The following SCARB1 variants were observed in gnomAD, a reference collection of about 807,000 sequenced individuals.
SCARB1 encodes scavenger receptor class B member 1, also known as CD36 and LIMPII analogous 1.
SCARB1 carries 30 observed loss-of-function variants against 57.2 expected under a neutral mutation model. That is an observed-to-expected ratio of 0.52 (90% CI 0.39 to 0.71). The LOEUF is 0.71. Among genes scored for constraint, SCARB1 ranks in the 30% least tolerant of loss-of-function variants. The probability of loss-of-function intolerance (pLI) is 0.00; values close to 1 mark genes in which losing one functional copy is unlikely to be tolerated. For synonymous variants in SCARB1, 249 were observed against 268.3 expected (o/e 0.93, Z 0.70); for missense variants, 543 against 671.2 (o/e 0.81, Z 2.11).
chr12:124,792,721 CAAAA>C (rs930596389), intron 9 of SCARB1, among the ~76,000 whole-genome samples: 95 of 31,726 alleles, frequency 3.0e-3, no homozygotes, highest in African/African-American at 7.8e-3. Context: ...GACTTCGTCT[CAAAA>C]AAAAAAAAAA....
intron 1 of SCARB1, among the ~76,000 whole-genome samples, chr12:124,828,493 C>A (rs1426285554): frequency 6.6e-6 from 1 of 152,194 alleles, no homozygotes; most frequent in South Asian, 2.1e-4. Flanking sequence ...GACGCCCCTG[C>A]CCTCAGACAC....
intron 7 of SCARB1, among the ~76,000 whole-genome samples, chr12:124,804,588 C>G (rs527601666): frequency 6.6e-6 from 1 of 152,312 alleles, no homozygotes; most frequent in African/African-American, 2.4e-5. Context: ...CCCGCCGATA[C>G]CAGCAAAGAA....
chr12:124,817,088 ATG>A lies in SCARB1; in HGVS notation c.284+460_284+461del, dbSNP rs200918605. On this transcript the variant is annotated intron_variant, in intron 2 of 12. Coordinates refer to ENST00000261693, the MANE Select transcript of SCARB1 (RefSeq NM_005505.5). The surrounding 1 kb of genome is among the most constrained non-coding windows in gnomAD (Gnocchi z 4.8). ...TGTGTAGGTACATGTGTGTGTATGTATGTGTGTGTGTATGTGTATGTACGTGT... is the reference window on the plus strand; with the variant it reads ...TGTGTAGGTACATGTGTGTGTATGTATGTGTGTGTATGTGTATGTACGTGT... Among the ~76,000 whole-genome samples the A allele has an allele frequency of 3.4e-3, 489 of 145,496 alleles. 3 individuals are homozygous for A. Among genetic ancestry groups the A allele is most frequent in the African/African-American group, 8.9e-3 (332 of 37,342 alleles).
In SCARB1 at chr12:124,800,401, C is replaced by G. The variant is rs574100256; in HGVS notation, c.1010-159G>C. On this transcript the variant is annotated intron_variant, in intron 7 of 12. Transcript: ENST00000261693. This position sits in a 1 kb window ranked among gnomAD's most constrained non-coding sequence, Gnocchi z 4.8. ...TCCCTTCCTCCATTCTGTAAAAAGC[C>G]CCAGGCCCTGTGATGAGGGACAAGC... 6.6e-6 allele frequency among the ~76,000 whole-genome samples: 1 copy of G among 152,290 alleles called. No individual in the cohort carries two copies. The highest frequency in any genetic ancestry group is 2.1e-4 in the South Asian group (1 of 4,824).
rs1295671244 is a variant in SCARB1, at chr12:124,826,729, G to C, written c.127-9022C>G. Reference sequence around the variant, plus strand: ...CTCGCTTCAGCCTCCCAAAGTGCTGGGATTATAGGTGTCAGCCACTGCACC... The same window carrying C: ...CTCGCTTCAGCCTCCCAAAGTGCTGCGATTATAGGTGTCAGCCACTGCACC... On this transcript the variant is annotated intron_variant, in intron 1 of 12. Transcript: ENST00000261693. 2.0e-5 allele frequency among the ~76,000 whole-genome samples: 3 copies of C among 152,016 alleles called. No homozygotes were observed. In the East Asian group the frequency reaches 5.8e-4, roughly 29 times the overall value.
At chr12:124,847,049 G>A (rs1487009405) in intron 1 of SCARB1, among the ~76,000 whole-genome samples, 1 of 152,220 alleles carries the variant, frequency 6.6e-6, no homozygotes, top group Non-Finnish European at 1.5e-5. Flanking sequence ...TTCTGCAGGG[G>A]CTTCGGGGCA....
chr12:124,820,766 T>A (rs1950924010), intron 1 of SCARB1, among the ~76,000 whole-genome samples: 1 of 152,040 alleles, frequency 6.6e-6, no homozygotes, highest in Non-Finnish European at 1.5e-5. Flanking sequence ...GCACGAACTA[T>A]ATGTTCTCAC....
At chr12:124,846,459 CAG>C (rs1162837992) in intron 1 of SCARB1, among the ~76,000 whole-genome samples, 1 of 152,086 alleles carries the variant, frequency 6.6e-6, no homozygotes, top group East Asian at 1.9e-4. Context: ...AGGGTTAAAA[CAG>C]ATGAACTGGC....
chr12:124,816,332 T>G (rs1296499996), intron 2 of SCARB1, among the ~76,000 whole-genome samples: 2 of 152,214 alleles, frequency 1.3e-5, no homozygotes, highest in African/African-American at 4.8e-5. Flanking sequence ...AGGTGCTCAG[T>G]CAGTGCTCAC....
chr12:124,814,960 A>G lies in SCARB1; in HGVS notation c.426+13T>C, dbSNP rs1950648111. 1.2e-6 allele frequency: 2 copies of G among 1,613,992 alleles called. No homozygotes were observed. The highest frequency in any genetic ancestry group is 2.7e-5 in the African/African-American group (2 of 74,936). On this transcript the variant is annotated intron_variant, in intron 3 of 12. Transcript: ENST00000261693. The surrounding 1 kb of genome is among the most constrained non-coding windows in gnomAD (Gnocchi z 4.7). ...CAGGGTGCGAGGCGGCGTGGGCCAC[A>G]GGGCAGCCTCACCAAGACCAGGATG... is the stretch of plus-strand genomic sequence containing the variant.
intron 1 of SCARB1, among the ~76,000 whole-genome samples, chr12:124,846,366 C>T (rs973425385): frequency 1.3e-5 from 2 of 152,110 alleles, no homozygotes; most frequent in African/African-American, 2.4e-5. Flanking sequence ...ACTGTCGGGC[C>T]CTAGAGGGAT....
intron 1 of SCARB1, among the ~76,000 whole-genome samples, chr12:124,846,463 T>A (rs1425724174): frequency 1.3e-5 from 2 of 151,780 alleles, no homozygotes; most frequent in Non-Finnish European, 2.9e-5. Context: ...TTAAAACAGA[T>A]GAACTGGCCG....
intron 1 of SCARB1, among the ~76,000 whole-genome samples, chr12:124,842,299 C>G (rs12425134): frequency 2.0e-5 from 3 of 152,186 alleles, no homozygotes; most frequent in Non-Finnish European, 2.9e-5. Flanking sequence ...AATGGCCTCA[C>G]GCACTGGAGT....
At chr12:124,831,622 C>G (rs977534767) in intron 1 of SCARB1, among the ~76,000 whole-genome samples, 2 of 151,946 alleles carry the variant, frequency 1.3e-5, no homozygotes, top group African/African-American at 4.8e-5. Context: ...GGTCTGGGGT[C>G]CCCTCTTTAC....
At chr12:124,840,461 C>A (rs1951864925) in intron 1 of SCARB1, among the ~76,000 whole-genome samples, 1 of 152,314 alleles carries the variant, frequency 6.6e-6, no homozygotes, top group East Asian at 1.9e-4. Flanking sequence ...CAGGCGTGAG[C>A]CACCGCGCCT....
At chr12:124,809,187 G>A (rs940638306) in intron 6 of SCARB1, among the ~76,000 whole-genome samples, 13 of 152,132 alleles carry the variant, frequency 8.5e-5, no homozygotes, top group Non-Finnish European at 1.9e-4. Context: ...GACACTCGGC[G>A]AGAAGAGGGG....
At chr12:124,832,497 G>C (rs934661853) in intron 1 of SCARB1, among the ~76,000 whole-genome samples, 2 of 149,954 alleles carry the variant, frequency 1.3e-5, no homozygotes, top group African/African-American at 5.0e-5. Context: ...TCCAGCCTGG[G>C]CGACAGAGTG....
At chr12:124,781,891 T>C (rs1037793881) in intron 12 of SCARB1, among the ~76,000 whole-genome samples, 28 of 151,862 alleles carry the variant, frequency 1.8e-4, no homozygotes, top group African/African-American at 5.8e-4. Context: ...CCAGATGTAT[T>C]TATTTATTTA....
intron 1 of SCARB1, among the ~76,000 whole-genome samples, chr12:124,859,075 G>C (rs1350702522): frequency 6.6e-6 from 1 of 151,960 alleles, no homozygotes; most frequent in Non-Finnish European, 1.5e-5. Flanking sequence ...TAGAGATGGG[G>C]GTCTCACTAT....
Sources: gnomAD v4.1 joint callset for allele counts (sites outside exome capture counted in the v4.1 genomes callset) on GRCh38, gnomAD v4.1.1 for gene constraint, Gnocchi (gnomAD v3.1) non-coding constraint, MANE v1.5 for transcripts, NCBI Gene and HGNC (gene_info 2026-07-23, HGNC 2026-07-21) for gene names.